INTS4: variants seen among roughly 807,000 people sequenced by gnomAD.
The protein encoded by INTS4 is integrator complex subunit 4.
INTS4 carries 70 observed loss-of-function variants against 119.5 expected under a neutral mutation model. The ratio of observed to expected loss-of-function variants is 0.59; its 90% CI spans 0.48 to 0.71. The LOEUF (loss-of-function observed/expected upper bound fraction) is 0.71. INTS4 is among the 30% of genes least tolerant of loss of function. INTS4 has a pLI of 0.00. For synonymous variants in INTS4, 316 were observed against 419.6 expected (o/e 0.75, Z 3.02); for missense variants, 867 against 1,173.2 (o/e 0.74, Z 3.81).
At chr11:77,881,412 A>C (rs936492473) in intron 22 of INTS4, among the ~76,000 whole-genome samples, 1 of 152,180 alleles carries the variant, frequency 6.6e-6, no homozygotes, top group African/African-American at 2.4e-5. Flanking sequence ...GATTAGGAGA[A>C]AGAAACTGCA....
At chr11:77,963,422 TA>T (rs930787197) in intron 4 of INTS4, 55 of 419,850 alleles carry the variant, frequency 1.3e-4, no homozygotes, top group Admixed American at 2.4e-4. Flanking sequence ...ACTTATTAAT[TA>T]AAAAAAATTG....
intron 19 of INTS4, 60 bp downstream of exon 19, chr11:77,894,230 C>A: frequency 1.2e-6 from 1 of 827,722 alleles, no homozygotes; most frequent in South Asian, 1.6e-5. Flanking sequence ...CTATTGCCTG[C>A]AAGTGCTATA....
chr11:77,891,897 G>T (rs1172701817), intron 19 of INTS4, 57 bp from the exon 20 acceptor site: 1 of 1,606,790 alleles, frequency 6.2e-7, no homozygotes, highest in South Asian at 1.1e-5. Flanking sequence ...TTCACCACAG[G>T]CTGGGCCCCA....
rs974865688 is a variant in INTS4, at chr11:77,989,824, C to T, written c.246+1284G>A. The stretch of plus-strand genomic sequence containing the variant: ...TGAGGCAGGAGGATCAATTGAGCCT[C>T]GGAGGTCGAGGGTACAGTGAGCCGT... On this transcript the variant is annotated intron_variant, in intron 2 of 22. Coordinates refer to ENST00000534064, the MANE Select transcript of INTS4 (RefSeq NM_033547.4). Among the ~76,000 whole-genome samples, 5 of 152,028 alleles carry T rather than the reference C, an allele frequency of 3.3e-5. No individual in the cohort carries two copies. The East Asian group carries it at 5.8e-4, about 18-fold the overall frequency.
chr11:77,994,119 G>C (rs531349094), intron 1 of INTS4, among the ~76,000 whole-genome samples: 1 of 152,000 alleles, frequency 6.6e-6, no homozygotes, highest in African/African-American at 2.4e-5. Flanking sequence ...GAATTCTATA[G>C]ACCCTTCTTT....
intron 4 of INTS4, among the ~76,000 whole-genome samples, chr11:77,967,817 T>C (rs1028462539): frequency 3.9e-5 from 6 of 152,018 alleles, no homozygotes; most frequent in African/African-American, 1.5e-4. Flanking sequence ...CAAAGAAAGG[T>C]TGAGTGACCT....
At chr11:77,931,700 C>A (rs1953653536) in intron 10 of INTS4, among the ~76,000 whole-genome samples, 1 of 152,106 alleles carries the variant, frequency 6.6e-6, no homozygotes, top group Non-Finnish European at 1.5e-5. Flanking sequence ...TACTACAAGG[C>A]TACAGTAACC....
intron 14 of INTS4, 110 bp from the exon 15 acceptor site, chr11:77,919,088 G>C: frequency 9.1e-7 from 1 of 1,103,774 alleles, no homozygotes; most frequent in Non-Finnish European, 1.3e-6. Context: ...AAAACAAAGG[G>C]GAAAAAAGGC....
chr11:77,910,928 A>C (rs1309560819), intron 15 of INTS4: 1 of 1,117,890 alleles, frequency 8.9e-7, no homozygotes, highest in Non-Finnish European at 1.2e-6. Flanking sequence ...ACTTTTTAAT[A>C]GCAACATTAA....
Position 77,918,859 on chromosome 11 carries a change from G to T in INTS4, c.1884C>A (p.Asp628Glu). 1 of 1,613,838 alleles carries T rather than the reference G, an allele frequency of 6.2e-7. No individual in the cohort carries two copies. The highest frequency in any genetic ancestry group is 8.5e-7 in the Non-Finnish European group (1 of 1,179,852). The change falls in exon 15 of 23, where the codon GAC becomes GAA. Residue 628 changes from aspartate to glutamate, a missense_variant. By Grantham distance (45) the Asp-to-Glu change is conservative. Coordinates refer to ENST00000534064, the MANE Select transcript of INTS4 (RefSeq NM_033547.4). The stretch of plus-strand genomic sequence containing the variant: ...CCAGCAGCTCCTGGGCTCCCTGAGG[G>T]TCCAAGTGCTGAAGACTATACACTC... ...LERVYSLQHLDPQGAQELLEF... is the reference protein window; with the variant it reads ...LERVYSLQHLEPQGAQELLEF...
Position 77,901,444 on chromosome 11 carries a change from T to C in INTS4, c.2205A>G (p.Ile735Met). 2 of 1,614,000 alleles carry C rather than the reference T, an allele frequency of 1.2e-6. No homozygotes were observed. The highest frequency in any genetic ancestry group is 2.2e-5 in the South Asian group (2 of 91,080). Residue 735 changes from isoleucine to methionine, a missense_variant, in exon 18 of 23, where the codon ATA becomes ATG. Physicochemically the swap from Ile to Met is conservative, Grantham distance 10 (BLOSUM62 1). Around this residue, in one of 5 missense-constraint regions of INTS4, gnomAD observed 262 missense variants for 376.0 expected, o/e 0.70. Coordinates refer to ENST00000534064, the MANE Select transcript of INTS4 (RefSeq NM_033547.4). ...MRLQAKALQL[I>M]VTARTTRGLD... ...ACCCTCGTGTAGTTCGTGCTGTTAC[T>C]ATAAGTTGCAAAGCTTTGGCCTGCA...
chr11:77,981,996 G>T (rs1240022428), intron 2 of INTS4, among the ~76,000 whole-genome samples: 1 of 152,120 alleles, frequency 6.6e-6, no homozygotes, highest in African/African-American at 2.4e-5. Context: ...GAGTAGTCAT[G>T]TTAGACACAA....
In INTS4 at chr11:77,918,203, G is replaced by A. The variant is rs778679046; in HGVS notation, c.1922+618C>T. ...TTCCAGCACTTTGGGAGGCCGAGGC[G>A]GGAGGATCACTTGAGCTCAGGAGTT... On this transcript the variant is annotated intron_variant, in intron 15 of 22. Transcript: ENST00000534064. 378 of 674,518 alleles carry A rather than the reference G, an allele frequency of 5.6e-4. 1 individual carries two copies. Among genetic ancestry groups the A allele is most frequent in the Middle Eastern group, 8.7e-4 (3 of 3,430 alleles). The allele number at this position is 674,518 out of a possible 1,614,324, so 41.8% of individuals were successfully genotyped here.
chr11:77,941,382 T>C lies in INTS4; in HGVS notation c.919-131A>G, dbSNP rs1953925322. On this transcript the variant is annotated intron_variant, in intron 8 of 22. Coordinates refer to ENST00000534064, the MANE Select transcript of INTS4 (RefSeq NM_033547.4). ...TCATGACAGTAAAGATGCTATGGGT[T>C]CTGAATCAGCAGGAAAATAAAAATA... 4.3e-6 allele frequency: 4 copies of C among 936,150 alleles called. No homozygotes were observed. The East Asian group carries it at 1.1e-4, about 27-fold the overall frequency. 58.0% of individuals were successfully genotyped at this position (936,150 alleles called of 1,614,324 possible).
chr11:77,925,403 TA>T (rs1953471948), intron 11 of INTS4, among the ~76,000 whole-genome samples: 2 of 152,102 alleles, frequency 1.3e-5, no homozygotes, highest in African/African-American at 4.8e-5. Context: ...GACACAGACA[TA>T]AAGTGAGCAC....
chr11:77,889,820 G>A (rs1482020459), intron 21 of INTS4, among the ~76,000 whole-genome samples: 1 of 152,180 alleles, frequency 6.6e-6, no homozygotes, highest in Non-Finnish European at 1.5e-5. Context: ...TATCTAAAAG[G>A]TTTAGCCTTG....
chr11:77,964,340 G>A (rs1015148616), intron 4 of INTS4, among the ~76,000 whole-genome samples: 3 of 151,966 alleles, frequency 2.0e-5, no homozygotes, highest in Non-Finnish European at 4.4e-5. Flanking sequence ...GGCCAAGGCG[G>A]GTGGATCATG....
intron 15 of INTS4, chr11:77,917,999 T>C: frequency 2.9e-6 from 2 of 698,454 alleles, no homozygotes; most frequent in South Asian, 3.0e-5. Context: ...TTGGGAAGTG[T>C]CTTTAAACAA....
In INTS4 at chr11:77,883,704, T is replaced by C. The variant is rs1176275634; in HGVS notation, c.2713+128A>G. ...CACTTAATGAGTGCTTATAAACTCA[T>C]TAAGTTCAATTCTTACAAGGCCTGA... is the stretch of plus-strand genomic sequence containing the variant. On this transcript the variant is annotated intron_variant, in intron 22 of 22. Transcript: ENST00000534064. 7 of 1,027,178 alleles carry C rather than the reference T, an allele frequency of 6.8e-6. No individual in the cohort carries two copies. The African/African-American group carries it at 1.1e-4, about 17-fold the overall frequency. The allele number at this position is 1,027,178 out of a possible 1,614,324, so 63.6% of individuals were successfully genotyped here. A position where few individuals can be genotyped will look rare whatever the true frequency, so the allele number is the denominator to read the frequency against.
Sources: allele counts gnomAD v4.1 joint callset (sites outside exome capture counted in the v4.1 genomes callset), GRCh38; gene constraint gnomAD v4.1.1; regional missense constraint gnomAD v4.1.1; transcripts MANE v1.5; gene names NCBI Gene and HGNC (gene_info 2026-07-23, HGNC 2026-07-21).